The following RBFOX1 variants were observed in gnomAD, a reference collection of about 807,000 sequenced individuals.
The protein encoded by RBFOX1 is RNA binding protein fox-1 homolog 1.
A neutral mutation model predicts 57.7 loss-of-function variants in RBFOX1; 8 were observed. The observed-to-expected ratio is 0.14, with a 90% CI of 0.08 to 0.25. RBFOX1 has a LOEUF of 0.25. Among genes scored for constraint, RBFOX1 ranks in the 10% least tolerant of loss-of-function variants. RBFOX1 has a pLI of 1.00. For synonymous variants in RBFOX1, 326 were observed against 222.4 expected, an observed-to-expected ratio of 1.47 and a Z score of -4.15; for missense variants, 611 against 548.5, an observed-to-expected ratio of 1.11 and a Z score of -1.14.
At position 6,805,379 on chromosome 16, in the gene RBFOX1, G is replaced by C. The variant is rs191121240; in HGVS notation, c.-16+150729G>C. On this transcript the variant is annotated intron_variant, in intron 3 of 15. Transcript: ENST00000550418. The stretch of plus-strand genomic sequence containing the variant: ...CACAGAGGGGAACAGCAGACTTTGG[G>C]GTCTCCTGGAGGATAGAGGGTAGGA... Among the ~76,000 whole-genome samples the C allele has an allele frequency of 5.1e-3, 776 of 152,194 alleles. 7 individuals carry two copies. Among genetic ancestry groups the C allele is most frequent in the Non-Finnish European group, 6.9e-3 (469 of 68,004 alleles).
intron 4 of RBFOX1, among the ~76,000 whole-genome samples, chr16:7,229,711 GGAGA>G (rs1320281911): frequency 7.7e-6 from 1 of 130,406 alleles, no homozygotes; most frequent in Non-Finnish European, 1.7e-5. Flanking sequence ...AGGAAGGAAG[GGAGA>G]GAGAGGAAGC....
intron 4 of RBFOX1, among the ~76,000 whole-genome samples, chr16:7,238,672 G>A (rs1043516667): frequency 1.3e-5 from 2 of 152,116 alleles, no homozygotes; most frequent in Non-Finnish European, 2.9e-5. Context: ...AGGGGTACAA[G>A]TGCAGGCTTG....
At chr16:7,283,880 C>T (rs566275224) in intron 4 of RBFOX1, among the ~76,000 whole-genome samples, 1 of 152,152 alleles carries the variant, frequency 6.6e-6, no homozygotes, top group African/African-American at 2.4e-5. Context: ...TAATAACCAC[C>T]AGCGTCCGCA....
chr16:7,555,993 A>T (rs187262466), intron 5 of RBFOX1, among the ~76,000 whole-genome samples: 149 of 147,116 alleles, frequency 1.0e-3, no homozygotes, highest in African/African-American at 3.6e-3. Context: ...CATTTCCAAC[A>T]CCTGGAATTG....
chr16:7,412,910 T>C (rs1041010035), intron 4 of RBFOX1, among the ~76,000 whole-genome samples: 1 of 151,950 alleles, frequency 6.6e-6, no homozygotes, highest in Admixed American at 6.5e-5. Context: ...GGCGCCATGG[T>C]GGGCGCCTGC....
chr16:5,677,133 G>C (rs1305965970), intron 3 of RBFOX1, among the ~76,000 whole-genome samples: 1 of 152,230 alleles, frequency 6.6e-6, no homozygotes, highest in African/African-American at 2.4e-5. Flanking sequence ...AGAAGGGGAA[G>C]ACCCAGAAGT....
At chr16:7,698,673 G>T (rs2079606071) in intron 14 of RBFOX1, among the ~76,000 whole-genome samples, 2 of 152,152 alleles carry the variant, frequency 1.3e-5, no homozygotes, top group South Asian at 4.1e-4. Flanking sequence ...TGATTATTCA[G>T]CAAAGTTGTC....
chr16:5,316,295 C>T (rs2064236238), intron 1 of RBFOX1, among the ~76,000 whole-genome samples: 1 of 152,240 alleles, frequency 6.6e-6, no homozygotes, highest in South Asian at 2.1e-4. Context: ...TTCCTCAAGA[C>T]ACTTGCCTCA....
chr16:5,618,604 T>G (rs911822007), intron 3 of RBFOX1, among the ~76,000 whole-genome samples: 1 of 152,226 alleles, frequency 6.6e-6, no homozygotes, highest in African/African-American at 2.4e-5. Context: ...CCCAAAGTGC[T>G]GGGATCACAG....
At chr16:5,292,879 TC>T (rs1262047885) in intron 1 of RBFOX1, among the ~76,000 whole-genome samples, 1 of 152,004 alleles carries the variant, frequency 6.6e-6, no homozygotes, top group Non-Finnish European at 1.5e-5. Flanking sequence ...CACCTCGGCC[TC>T]CCAAAGTGCT....
intron 1 of RBFOX1, among the ~76,000 whole-genome samples, chr16:6,287,874 C>T (rs1307789982): frequency 6.6e-6 from 1 of 152,156 alleles, no homozygotes; most frequent in Non-Finnish European, 1.5e-5. Flanking sequence ...TAGAACTTCA[C>T]ATCTTCAGAT....
In RBFOX1 at chr16:7,299,233, ATTTGAT is replaced by A; in HGVS notation, c.28-218910_28-218905del. Among the ~76,000 whole-genome samples the A allele has an allele frequency of 5.3e-5, 8 of 152,216 alleles. 1 individual carries two copies. In the South Asian group the frequency reaches 1.7e-3, roughly 32 times the overall value. ...ATTATTGATAGGCATTTTATTCGTTATTTGATTTTATTTGTTAACTGATGTCAGTCT... is the reference window on the plus strand; with the variant it reads ...ATTATTGATAGGCATTTTATTCGTTATTTATTTGTTAACTGATGTCAGTCT... On this transcript the variant is annotated intron_variant, in intron 4 of 15. Transcript: ENST00000550418.
At chr16:6,161,606 C>T (rs1290937021) in intron 1 of RBFOX1, among the ~76,000 whole-genome samples, 1 of 152,084 alleles carries the variant, frequency 6.6e-6, no homozygotes, top group Non-Finnish European at 1.5e-5. Context: ...TGCTTCCTTC[C>T]ATGGTGACTT....
intron 4 of RBFOX1, among the ~76,000 whole-genome samples, chr16:7,084,809 C>G (rs975558679): frequency 2.0e-5 from 3 of 152,214 alleles, no homozygotes; most frequent in Non-Finnish European, 4.4e-5. Flanking sequence ...TCCCCCCTCT[C>G]TCATGTCTGT....
chr16:6,738,905 C>T (rs576545075), intron 3 of RBFOX1, among the ~76,000 whole-genome samples: 1 of 152,168 alleles, frequency 6.6e-6, no homozygotes, highest in Non-Finnish European at 1.5e-5. Flanking sequence ...AAAATGAAGT[C>T]TCATAATACA....
chr16:5,490,209 C>G (rs576335794), intron 2 of RBFOX1, among the ~76,000 whole-genome samples: 9 of 152,344 alleles, frequency 5.9e-5, no homozygotes, highest in Admixed American at 6.5e-5. Context: ...TTGGGCTCAT[C>G]TCGTTCATTT....
At chr16:7,321,202 T>A (rs770390875) in intron 4 of RBFOX1, among the ~76,000 whole-genome samples, 4 of 152,086 alleles carry the variant, frequency 2.6e-5, no homozygotes, top group Non-Finnish European at 5.9e-5. Flanking sequence ...TGGAGTGCAG[T>A]GGTGCGATCT....
intron 3 of RBFOX1, among the ~76,000 whole-genome samples, chr16:6,719,048 G>A (rs113997280): frequency 4.6e-5 from 7 of 151,820 alleles, no homozygotes; most frequent in African/African-American, 1.7e-4. Flanking sequence ...TATATTTTTT[G>A]TACAGATGAG....
chr16:7,063,110 T>G (rs1333171108), intron 4 of RBFOX1, among the ~76,000 whole-genome samples: 1 of 151,936 alleles, frequency 6.6e-6, no homozygotes, highest in Non-Finnish European at 1.5e-5. Context: ...CGGCGCTGAC[T>G]TTATGTATTG....
Sources: allele counts gnomAD v4.1 joint callset (sites outside exome capture counted in the v4.1 genomes callset), GRCh38; gene constraint gnomAD v4.1.1; transcripts MANE v1.5; gene names NCBI Gene and HGNC (gene_info 2026-07-23, HGNC 2026-07-21).